Variants in PUM2 observed in about 807,000 individuals in gnomAD.
PUM2 encodes the protein pumilio RNA binding family member 2.
PUM2 carries 57 observed loss-of-function variants against 124.5 expected under a neutral mutation model. That is an observed-to-expected ratio of 0.46 (90% confidence interval 0.37 to 0.57). PUM2 has a LOEUF of 0.57. PUM2 is among the 20% of genes least tolerant of loss of function. The pLI, the probability that PUM2 is intolerant of heterozygous loss-of-function variation, is 0.00. For missense variants in PUM2, 1,065 were observed against 1,290.6 expected (o/e 0.83, Z 2.68); for synonymous variants, 460 against 446.1 (o/e 1.03, Z -0.39).
Position 20,327,305 on chromosome 2 carries a change from T to C in PUM2, c.51+5A>G. The C allele has an allele frequency of 6.5e-6, 10 of 1,541,622 alleles. No individual in the cohort carries two copies. The highest frequency in any genetic ancestry group is 8.1e-6 in the Non-Finnish European group (9 of 1,116,416). ...TGTAAGTTCTTAGTATTTGCAAACA[T>C]TTACCTCTCCCATTCCCCGAGATTC... is the stretch of plus-strand genomic sequence containing the variant. On this transcript the variant is annotated splice_donor_5th_base_variant and intron_variant, in intron 2 of 20. Coordinates refer to ENST00000361078, the MANE Select transcript of PUM2 (RefSeq NM_015317.5).
intron 10 of PUM2, among the ~76,000 whole-genome samples, chr2:20,286,822 A>T (rs553740826): frequency 6.6e-6 from 1 of 152,254 alleles, no homozygotes; most frequent in African/African-American, 2.4e-5. Flanking sequence ...TCTAATCCAC[A>T]AGTTTAAATA....
At chr2:20,323,958 TGG>T (rs1406225441) in intron 2 of PUM2, among the ~76,000 whole-genome samples, 3 of 131,262 alleles carry the variant, frequency 2.3e-5, no homozygotes, top group South Asian at 5.2e-4. Context: ...AGATCACCAC[TGG>T]GAATAAGGAA....
chr2:20,258,808 C>T (rs1665471116), intron 15 of PUM2, among the ~76,000 whole-genome samples: 1 of 151,622 alleles, frequency 6.6e-6, no homozygotes, highest in Non-Finnish European at 1.5e-5. Flanking sequence ...GCTGGGACTA[C>T]AGGCGCCCGC....
At chr2:20,255,887 A>C in intron 17 of PUM2, 146 bp downstream of exon 17, 2 of 807,190 alleles carry the variant, frequency 2.5e-6, no homozygotes, top group Non-Finnish European at 3.6e-6. Flanking sequence ...TGAAAGAGGA[A>C]GAAATTAATG....
At chr2:20,262,646 G>A (rs1172678769) in intron 14 of PUM2, among the ~76,000 whole-genome samples, 2 of 152,168 alleles carry the variant, frequency 1.3e-5, no homozygotes, top group African/African-American at 2.4e-5. Flanking sequence ...GCTATAAAGA[G>A]AGAAAATATC....
rs918286943 is a variant in PUM2 at position 20,255,466 on chromosome 2, T to C, written c.2623-125A>G. 14 of 922,982 alleles carry C rather than the reference T, an allele frequency of 1.5e-5. No homozygotes were observed. The African/African-American group carries it at 2.2e-4, about 14-fold the overall frequency. 57.2% of individuals were successfully genotyped at this position (922,982 alleles called of 1,614,324 possible). A position where few individuals can be genotyped will look rare whatever the true frequency, so the allele number is the denominator to read the frequency against. On this transcript the variant is annotated intron_variant, in intron 17 of 20. Transcript: ENST00000361078. ...AAAGCAGTTTGAAATAGAAGGGTGA[T>C]GAACTCACATTTAATATGACTACCA... is the stretch of plus-strand genomic sequence containing the variant.
chr2:20,267,502 A>T lies in PUM2; in HGVS notation c.1958-4042T>A, dbSNP rs868230136. Reference sequence around the variant, plus strand: ...CAAATTATCCCAGAATTGGTTAAAAACAAACACATAAACAGGTCATCCATA... The same window carrying T: ...CAAATTATCCCAGAATTGGTTAAAATCAAACACATAAACAGGTCATCCATA... On this transcript the variant is annotated intron_variant, in intron 13 of 20. Coordinates refer to ENST00000361078, the MANE Select transcript of PUM2 (RefSeq NM_015317.5). 3.3e-5 allele frequency among the ~76,000 whole-genome samples: 5 copies of T among 152,212 alleles called. No homozygotes were observed. The South Asian group carries it at 8.3e-4, about 25-fold the overall frequency.
chr2:20,327,218 T>C (rs1683893712), intron 2 of PUM2, 92 bp downstream of exon 2: 9 of 846,968 alleles, frequency 1.1e-5, no homozygotes, highest in Admixed American at 4.4e-5. Context: ...TGACCACTAT[T>C]TCCAGGAAGG....
chr2:20,281,108 A>C (rs1453904042), intron 12 of PUM2, among the ~76,000 whole-genome samples: 4 of 152,180 alleles, frequency 2.6e-5, no homozygotes, highest in Non-Finnish European at 5.9e-5. Context: ...GAGTCCATAT[A>C]TATAGCACTT....
chr2:20,300,065 C>A (rs533400237), intron 7 of PUM2, among the ~76,000 whole-genome samples: 12 of 152,282 alleles, frequency 7.9e-5, no homozygotes, highest in Admixed American at 2.6e-4. Context: ...GACTTAAGGT[C>A]TGCGTTGATG....
intron 12 of PUM2, 76 bp from the exon 13 acceptor site, chr2:20,278,895 C>A (rs1365075050): frequency 3.8e-6 from 4 of 1,051,378 alleles, no homozygotes; most frequent in Non-Finnish European, 5.7e-6. Flanking sequence ...TCTCGCTGGG[C>A]AATAACAGAA....
chr2:20,293,282 G>A (rs1674679210), intron 9 of PUM2, among the ~76,000 whole-genome samples: 4 of 152,174 alleles, frequency 2.6e-5, no homozygotes, highest in Admixed American at 2.6e-4. Flanking sequence ...AAACACAGGT[G>A]TGTATATTTT....
At chr2:20,330,384 C>T (rs1381000532) in intron 1 of PUM2, among the ~76,000 whole-genome samples, 1 of 152,162 alleles carries the variant, frequency 6.6e-6, no homozygotes, top group Non-Finnish European at 1.5e-5. Context: ...GGGCTGGTTG[C>T]CAGGGGAACC....
intron 7 of PUM2, among the ~76,000 whole-genome samples, chr2:20,300,382 C>G (rs556694705): frequency 6.6e-6 from 1 of 152,324 alleles, no homozygotes; most frequent in South Asian, 2.1e-4. Flanking sequence ...CTCCCGACCT[C>G]AGGTGATCCG....
At chr2:20,349,984 C>A (rs748244067) in intron 1 of PUM2, among the ~76,000 whole-genome samples, 22 of 152,308 alleles carry the variant, frequency 1.4e-4, no homozygotes, top group Non-Finnish European at 3.1e-4. Flanking sequence ...AATTCAGATA[C>A]AAAACTACTG....
intron 1 of PUM2, chr2:20,350,171 GT>G (rs1344271611): frequency 6.6e-6 from 1 of 152,340 alleles, no homozygotes; most frequent in East Asian, 1.9e-4. Flanking sequence ...GCCCACACTT[GT>G]TTTCATAAAC....
intron 10 of PUM2, among the ~76,000 whole-genome samples, chr2:20,288,002 T>C (rs1431150802): frequency 6.6e-6 from 1 of 152,222 alleles, no homozygotes; most frequent in African/African-American, 2.4e-5. Flanking sequence ...GAATCCAAGA[T>C]GCAGATGTAA....
At chr2:20,257,047 A>T (rs1352700130) in intron 16 of PUM2, among the ~76,000 whole-genome samples, 1,017 of 69,058 alleles carry the variant, frequency 0.015, no homozygotes, top group African/African-American at 0.041. Context: ...CCGTCTCAAA[A>T]AAAAAAAAAA....
intron 3 of PUM2, among the ~76,000 whole-genome samples, chr2:20,313,603 G>A (rs72787433): frequency 0.29 from 44,592 of 151,898 alleles, 6,772 homozygotes; most frequent in Middle Eastern, 0.36. Flanking sequence ...GGAGGCTGAG[G>A]AGGATCACTT....
Sources: gnomAD v4.1 joint callset for allele counts (sites outside exome capture counted in the v4.1 genomes callset) on GRCh38, gnomAD v4.1.1 for gene constraint, MANE v1.5 for transcripts, NCBI Gene and HGNC (gene_info 2026-07-23, HGNC 2026-07-21) for gene names.